The following SND1 variants were observed in gnomAD, a reference collection of about 807,000 sequenced individuals.
SND1 encodes staphylococcal nuclease domain-containing protein 1.
In SND1, 38 loss-of-function variants were observed where a neutral mutation model predicts 121.7. That is an observed-to-expected ratio of 0.31 (90% CI 0.24 to 0.41). The LOEUF (loss-of-function observed/expected upper bound fraction) is 0.41. Ranked by LOEUF, SND1 falls within the 10% of genes least tolerant of loss-of-function variation. SND1 has a pLI of 1.00. For synonymous variants in SND1, 401 were observed against 447.4 expected (o/e 0.90, Z 1.31); for missense variants, 868 against 1,184.6 (o/e 0.73, Z 3.92).
chr7:127,842,826 G>A (rs1011418671), intron 11 of SND1, among the ~76,000 whole-genome samples: 1 of 152,088 alleles, frequency 6.6e-6, no homozygotes, highest in African/African-American at 2.4e-5. Flanking sequence ...CTTGTTTGTT[G>A]TTCTTAATAA....
At chr7:127,673,982 C>T (rs1008039140) in intron 1 of SND1, among the ~76,000 whole-genome samples, 11 of 151,272 alleles carry the variant, frequency 7.3e-5, no homozygotes, top group Admixed American at 6.6e-5. Context: ...GTTTTCCTTC[C>T]TTCCCTTTCC....
chr7:127,673,115 T>G (rs930758773), intron 1 of SND1, among the ~76,000 whole-genome samples: 1 of 148,518 alleles, frequency 6.7e-6, no homozygotes, highest in African/African-American at 2.4e-5. Context: ...CGGTAGGAGA[T>G]AGCTAAACTA....
intron 15 of SND1, among the ~76,000 whole-genome samples, chr7:127,955,759 T>C (rs979352130): frequency 6.6e-6 from 1 of 152,202 alleles, no homozygotes; most frequent in Non-Finnish European, 1.5e-5. Flanking sequence ...TCATGACCCT[T>C]CTGGCCTGTC....
rs892635061 is a variant in SND1 at position 127,943,853 on chromosome 7, G to A, written c.1669+14524G>A. On this transcript the variant is annotated intron_variant, in intron 15 of 23. Coordinates refer to ENST00000354725, the MANE Select transcript of SND1 (RefSeq NM_014390.4). ...ACGAACAACTCAATAAAGAGCCATG[G>A]AATCCCACAGAATATGTTTCATTTT... Among the ~76,000 whole-genome samples the A allele has an allele frequency of 1.7e-4, 26 of 152,208 alleles. 1 individual carries two copies. Among genetic ancestry groups the A allele is most frequent in the Non-Finnish European group, 2.9e-5 (2 of 68,034 alleles).
chr7:127,720,835 A>G (rs1473172045), intron 9 of SND1, among the ~76,000 whole-genome samples: 3 of 151,986 alleles, frequency 2.0e-5, no homozygotes, highest in Non-Finnish European at 4.4e-5. Flanking sequence ...TCTGCTCTCT[A>G]TTGGGGCATC....
intron 14 of SND1, among the ~76,000 whole-genome samples, chr7:127,927,243 C>G (rs1206377356): frequency 6.6e-6 from 1 of 152,106 alleles, no homozygotes; most frequent in Non-Finnish European, 1.5e-5. Flanking sequence ...ATAACTACAT[C>G]CAAAGGATAG....
At chr7:127,798,650 G>T (rs569875935) in intron 10 of SND1, among the ~76,000 whole-genome samples, 1 of 151,832 alleles carries the variant, frequency 6.6e-6, no homozygotes, top group East Asian at 1.9e-4. Context: ...ATAAAACTCT[G>T]ACCCCCTCTT....
chr7:127,688,848 A>G (rs1795866335), intron 2 of SND1, among the ~76,000 whole-genome samples: 1 of 152,164 alleles, frequency 6.6e-6, no homozygotes, highest in African/African-American at 2.4e-5. Context: ...CAGGGAGGTA[A>G]AGAAGAAAAA....
chr7:127,975,341 G>T (rs1334097861), intron 15 of SND1, among the ~76,000 whole-genome samples: 3 of 152,062 alleles, frequency 2.0e-5, no homozygotes, highest in African/African-American at 7.2e-5. Context: ...GGGCGCGCGC[G>T]CATGTGCGCA....
intron 15 of SND1, among the ~76,000 whole-genome samples, chr7:127,987,374 G>T (rs1408495716): frequency 6.6e-6 from 1 of 152,210 alleles, no homozygotes; most frequent in African/African-American, 2.4e-5. Flanking sequence ...GTGCAGCATG[G>T]ATTAGGTTGA....
intron 1 of SND1, among the ~76,000 whole-genome samples, chr7:127,668,251 T>A (rs1795454180): frequency 6.6e-6 from 1 of 152,218 alleles, no homozygotes; most frequent in Non-Finnish European, 1.5e-5. Context: ...ATTAATTCCC[T>A]GCCTCTGTTC....
intron 10 of SND1, among the ~76,000 whole-genome samples, chr7:127,796,050 G>C (rs770447921): frequency 6.6e-5 from 10 of 151,492 alleles, no homozygotes; most frequent in Non-Finnish European, 8.8e-5. Context: ...GTGGAGACGG[G>C]GTTTCACCAT....
intron 12 of SND1, among the ~76,000 whole-genome samples, chr7:127,867,713 A>C (rs1444024906): frequency 6.6e-6 from 1 of 151,870 alleles, no homozygotes; most frequent in Non-Finnish European, 1.5e-5. Context: ...TAGCCTCTCT[A>C]TTTCTAGTCT....
chr7:128,053,674 AG>A (rs1793086702), intron 16 of SND1, among the ~76,000 whole-genome samples: 1 of 151,940 alleles, frequency 6.6e-6, no homozygotes, highest in Admixed American at 6.6e-5. Context: ...AAAACCCACA[AG>A]CAGAGGATGG....
intron 16 of SND1, among the ~76,000 whole-genome samples, chr7:128,023,063 C>G (rs1227925498): frequency 1.3e-5 from 2 of 152,222 alleles, no homozygotes; most frequent in African/African-American, 4.8e-5. Flanking sequence ...AGTCCTCCCC[C>G]ATCCAGGGTC....
At chr7:127,854,269 C>T (rs530770376) in intron 12 of SND1, among the ~76,000 whole-genome samples, 49 of 152,116 alleles carry the variant, frequency 3.2e-4, no homozygotes, top group Non-Finnish European at 1.3e-4. Flanking sequence ...GCTGGGATTA[C>T]AGATGCCCAC....
At chr7:127,896,572 A>G (rs1417657998) in intron 13 of SND1, among the ~76,000 whole-genome samples, 1 of 152,142 alleles carries the variant, frequency 6.6e-6, no homozygotes, top group Non-Finnish European at 1.5e-5. Context: ...GTTCCTGATC[A>G]TTGTAAAACA....
At position 128,030,726 on chromosome 7, in the gene SND1, A is replaced by G. The variant is rs1248050506; in HGVS notation, c.1779+39670A>G. On this transcript the variant is annotated intron_variant, in intron 16 of 23. Transcript: ENST00000354725. The stretch of plus-strand genomic sequence containing the variant: ...CCTACCCCGGCTTAAGTGAGCTAGG[A>G]GCTCCTCTTTCCATCTGGAGAAGGA... 4 of 1,463,680 alleles carry G rather than the reference A, an allele frequency of 2.7e-6. No individual in the cohort carries two copies. The East Asian group carries it at 9.3e-5, about 34-fold the overall frequency. 90.7% of individuals were successfully genotyped at this position (1,463,680 alleles called of 1,614,324 possible). A position where few individuals can be genotyped will look rare whatever the true frequency, so the allele number is the denominator to read the frequency against.
chr7:127,728,021 A>G (rs932316502), intron 10 of SND1, among the ~76,000 whole-genome samples: 5 of 152,176 alleles, frequency 3.3e-5, no homozygotes, highest in Non-Finnish European at 5.9e-5. Flanking sequence ...TGATGAGGTC[A>G]AGACATTTGG....
Sources: allele counts gnomAD v4.1 joint callset (sites outside exome capture counted in the v4.1 genomes callset), GRCh38; gene constraint gnomAD v4.1.1; transcripts MANE v1.5; gene names NCBI Gene and HGNC (gene_info 2026-07-23, HGNC 2026-07-21).